AAMDC: variants seen among roughly 807,000 people sequenced by gnomAD.
The protein encoded by AAMDC is mth938 domain-containing protein.
Under a neutral mutation model 15.5 loss-of-function variants are expected in AAMDC, and 16 were observed. That is an observed-to-expected ratio of 1.03 (90% CI 0.70 to 1.57). The LOEUF is 1.57. AAMDC is among the 40% of genes most tolerant of loss of function. AAMDC has a pLI of 0.00. For missense variants in AAMDC, 141 were observed against 144.9 expected, an observed-to-expected ratio of 0.97 and a Z score of 0.14; for synonymous variants, 51 against 51.6, an observed-to-expected ratio of 0.99 and a Z score of 0.05.
intron 2 of AAMDC, among the ~76,000 whole-genome samples, chr11:77,859,547 T>C (rs1950785986): frequency 6.6e-6 from 1 of 152,240 alleles, no homozygotes; most frequent in Admixed American, 6.5e-5. Context: ...CTAATTCTAG[T>C]GCCCGAGTGA....
chr11:77,887,548 CAT>C (rs1398428896), intron 5 of AAMDC, among the ~76,000 whole-genome samples: 1 of 152,110 alleles, frequency 6.6e-6, no homozygotes, highest in Non-Finnish European at 1.5e-5. Context: ...TCCTATTCAA[CAT>C]AGTGTTGGAA....
intron 5 of AAMDC, among the ~76,000 whole-genome samples, chr11:77,884,483 A>G (rs1951916361): frequency 1.3e-5 from 2 of 152,204 alleles, no homozygotes; most frequent in Non-Finnish European, 1.5e-5. Flanking sequence ...TTCTTTCCTC[A>G]GCATCCTGGG....
chr11:77,840,454 C>T (rs648896), intron 1 of AAMDC, among the ~76,000 whole-genome samples: 29,997 of 152,016 alleles, frequency 0.2, 3,576 homozygotes, highest in Middle Eastern at 0.33. Flanking sequence ...ACTTGAACCC[C>T]GGAGGTGGAG....
chr11:77,890,112 A>G (rs550727624), intron 5 of AAMDC, among the ~76,000 whole-genome samples: 1 of 152,204 alleles, frequency 6.6e-6, no homozygotes, highest in African/African-American at 2.4e-5. Context: ...GAGTAATCCT[A>G]AAGTGCAGTG....
At chr11:77,900,156 G>A (rs1369088829) in intron 5 of AAMDC, among the ~76,000 whole-genome samples, 1 of 151,738 alleles carries the variant, frequency 6.6e-6, no homozygotes, top group Non-Finnish European at 1.5e-5. Flanking sequence ...CTGGAGTGCA[G>A]TGGTGTGATT....
intron 2 of AAMDC, among the ~76,000 whole-genome samples, chr11:77,855,079 T>G (rs930778669): frequency 1.3e-5 from 2 of 151,988 alleles, no homozygotes; most frequent in Non-Finnish European, 2.9e-5. Flanking sequence ...AGAGCTGGAG[T>G]GGCCGTGATG....
At chr11:77,822,240 G>T (rs1301741126) in intron 1 of AAMDC, among the ~76,000 whole-genome samples, 2 of 151,890 alleles carry the variant, frequency 1.3e-5, no homozygotes, top group African/African-American at 2.4e-5. Flanking sequence ...TGCAGTTCCA[G>T]ACCAGCCTGG....
chr11:77,875,980 T>C (rs1951583023), downstream of AAMDC, among the ~76,000 whole-genome samples: 1 of 152,162 alleles, frequency 6.6e-6, no homozygotes, highest in Non-Finnish European at 1.5e-5. Context: ...TTCAGACTTT[T>C]TCCTGGGATG....
chr11:77,874,605 T>C (rs974235804), downstream of AAMDC, among the ~76,000 whole-genome samples: 14 of 152,172 alleles, frequency 9.2e-5, no homozygotes, highest in African/African-American at 3.1e-4. Flanking sequence ...TGGAAATATG[T>C]AGAGCTTGAA....
At chr11:77,836,414 G>C (rs902618735) in intron 1 of AAMDC, among the ~76,000 whole-genome samples, 3 of 152,036 alleles carry the variant, frequency 2.0e-5, no homozygotes, top group African/African-American at 7.2e-5. Flanking sequence ...AGCAGAAAAA[G>C]CCATGTGAGA....
intron 5 of AAMDC, among the ~76,000 whole-genome samples, chr11:77,881,082 C>A (rs554220496): frequency 6.6e-6 from 1 of 151,956 alleles, no homozygotes; most frequent in African/African-American, 2.4e-5. Flanking sequence ...AGGAGTAAAG[C>A]GGAGAAGAGA....
At chr11:77,894,862 C>T (rs572436176) in intron 5 of AAMDC, among the ~76,000 whole-genome samples, 1 of 152,188 alleles carries the variant, frequency 6.6e-6, no homozygotes. Flanking sequence ...GCCATTGTAT[C>T]GGCATCTGGA....
At position 77,833,009 on chromosome 11, in the gene AAMDC, A is replaced by ATTTTTT. The variant is rs781247642; in HGVS notation, c.-18-9455_-18-9450dup. On this transcript the variant is annotated intron_variant, in intron 1 of 3. Coordinates refer to ENST00000393427, the MANE Select transcript of AAMDC (RefSeq NM_024684.4). The stretch of plus-strand genomic sequence containing the variant: ...TGTGTGTGTGTGTGTATATATATAT[A>ATTTTTT]TTTTTTTTTTTTTTTTTTTTGAGAC... Among the ~76,000 whole-genome samples, 71 of 60,020 alleles carry ATTTTTT rather than the reference A, an allele frequency of 1.2e-3. 5 individuals are homozygous for ATTTTTT. The highest frequency in any genetic ancestry group is 4.2e-3 in the African/African-American group (59 of 14,214). The allele number at this position is 60,020 out of a possible 152,430, so 39.4% of individuals were successfully genotyped here.
At chr11:77,881,724 G>A (rs533520888) in intron 5 of AAMDC, among the ~76,000 whole-genome samples, 11 of 152,294 alleles carry the variant, frequency 7.2e-5, no homozygotes. Flanking sequence ...AGATACAGAG[G>A]CAAAGACAAG....
chr11:77,900,867 A>G, downstream of AAMDC: 10 of 507,170 alleles, frequency 2.0e-5, no homozygotes, highest in South Asian at 2.8e-5. Context: ...GTGTTTTTAC[A>G]TGTATTATCT....
intron 2 of AAMDC, among the ~76,000 whole-genome samples, chr11:77,853,725 C>T (rs1420868478): frequency 6.6e-6 from 1 of 151,886 alleles, no homozygotes; most frequent in Admixed American, 6.6e-5. Context: ...TGGATTGCTT[C>T]AGGTGAGGAG....
intron 5 of AAMDC, among the ~76,000 whole-genome samples, chr11:77,890,174 C>T (rs936691490): frequency 1.3e-5 from 2 of 152,182 alleles, no homozygotes; most frequent in African/African-American, 4.8e-5. Flanking sequence ...ACAAAACACT[C>T]CAATATGCAA....
intron 5 of AAMDC, among the ~76,000 whole-genome samples, chr11:77,893,576 G>C (rs1952369388): frequency 6.6e-6 from 1 of 152,152 alleles, no homozygotes; most frequent in Non-Finnish European, 1.5e-5. Flanking sequence ...CTGGGTGACA[G>C]AGTGAGACCC....
intron 1 of AAMDC, among the ~76,000 whole-genome samples, chr11:77,839,337 G>T (rs1329073461): frequency 1.3e-5 from 2 of 152,064 alleles, no homozygotes; most frequent in Non-Finnish European, 2.9e-5. Context: ...TAGAAACCAG[G>T]TCTCCCAATA....
Sources: gnomAD v4.1 joint callset for allele counts (sites outside exome capture counted in the v4.1 genomes callset) on GRCh38, gnomAD v4.1.1 for gene constraint, MANE v1.5 for transcripts, NCBI Gene and HGNC (gene_info 2026-07-23, HGNC 2026-07-21) for gene names.